The following PREX2 variants were observed in gnomAD, a reference collection of about 807,000 sequenced individuals.
PREX2 encodes the protein phosphatidylinositol 3,4,5-trisphosphate-dependent Rac exchanger 2 protein.
A neutral mutation model predicts 203.2 loss-of-function variants in PREX2; 107 were observed. The observed-to-expected ratio is 0.53, with a 90% CI of 0.45 to 0.62. The LOEUF (loss-of-function observed/expected upper bound fraction) is 0.62. Among genes scored for constraint, PREX2 ranks in the 20% least tolerant of loss-of-function variants. PREX2 has a pLI of 0.00. For synonymous variants in PREX2, 672 were observed against 663.6 expected (o/e 1.01, Z -0.19); for missense variants, 1,777 against 1,955.9 (o/e 0.91, Z 1.72).
intron 37 of PREX2, among the ~76,000 whole-genome samples, chr8:68,215,719 A>G (rs1403843554): frequency 6.6e-6 from 1 of 151,686 alleles, no homozygotes; most frequent in Non-Finnish European, 1.5e-5. Context: ...TTTTATTTTT[A>G]GTAGAGACGA....
intron 8 of PREX2, among the ~76,000 whole-genome samples, chr8:68,050,083 ATTAC>A (rs1258860007): frequency 6.7e-6 from 1 of 150,124 alleles, no homozygotes; most frequent in Non-Finnish European, 1.5e-5. Flanking sequence ...TATGTTTATA[ATTAC>A]TTATTATTTT....
At chr8:68,194,514 G>A (rs551477568) in intron 37 of PREX2, among the ~76,000 whole-genome samples, 18 of 152,042 alleles carry the variant, frequency 1.2e-4, no homozygotes, top group Non-Finnish European at 1.5e-4. Context: ...GTGGCCGGGC[G>A]CAGTGGCTCA....
At chr8:68,031,992 T>G (rs1274973819) in intron 6 of PREX2, among the ~76,000 whole-genome samples, 1 of 152,224 alleles carries the variant, frequency 6.6e-6, no homozygotes, top group Admixed American at 6.5e-5. Flanking sequence ...TGTTTCATCC[T>G]GGTGTATATC....
chr8:67,981,801 C>T (rs1057301436), intron 1 of PREX2, among the ~76,000 whole-genome samples: 1 of 152,186 alleles, frequency 6.6e-6, no homozygotes, highest in Non-Finnish European at 1.5e-5. Context: ...AGCCAGTGAG[C>T]CCTGGGCATG....
intron 7 of PREX2, among the ~76,000 whole-genome samples, chr8:68,042,248 A>C (rs1274624183): frequency 6.6e-6 from 1 of 152,090 alleles, no homozygotes; most frequent in African/African-American, 2.4e-5. Flanking sequence ...ACATTCTTTA[A>C]ATAACAGAGT....
intron 24 of PREX2, chr8:68,109,013 A>G (rs563443633): frequency 1.8e-5 from 8 of 452,504 alleles, no homozygotes; most frequent in Admixed American, 1.7e-4. Context: ...TCATAGAAGT[A>G]GAGAGTAGAA....
At chr8:68,035,808 T>C (rs1028477802) in intron 6 of PREX2, among the ~76,000 whole-genome samples, 4 of 152,158 alleles carry the variant, frequency 2.6e-5, no homozygotes, top group Admixed American at 2.0e-4. Flanking sequence ...TGAAGCCTGC[T>C]TTAAGTGTTA....
intron 21 of PREX2, among the ~76,000 whole-genome samples, 170 bp from the exon 22 acceptor site, chr8:68,096,847 C>T (rs961787139): frequency 3.3e-5 from 5 of 152,066 alleles, no homozygotes; most frequent in African/African-American, 9.7e-5. Context: ...ATGCTTTTCT[C>T]GAAATGTTAT....
At chr8:68,016,099 T>C (rs1194260935) in intron 1 of PREX2, among the ~76,000 whole-genome samples, 4 of 152,190 alleles carry the variant, frequency 2.6e-5, no homozygotes, top group Admixed American at 2.0e-4. Context: ...TTTTAAATAG[T>C]CTTGTTCCTC....
intron 37 of PREX2, among the ~76,000 whole-genome samples, chr8:68,211,251 A>T (rs1812737348): frequency 6.6e-6 from 1 of 152,208 alleles, no homozygotes; most frequent in Non-Finnish European, 1.5e-5. Context: ...ACTTTAACTG[A>T]ACTCAGTTTA....
At chr8:67,987,577 G>A (rs1485550898) in intron 1 of PREX2, among the ~76,000 whole-genome samples, 1 of 152,084 alleles carries the variant, frequency 6.6e-6, no homozygotes, top group East Asian at 1.9e-4. Flanking sequence ...CTCCTACCTT[G>A]TTCCCCCATG....
At chr8:67,969,505 G>A (rs1805865045) in intron 1 of PREX2, among the ~76,000 whole-genome samples, 1 of 152,078 alleles carries the variant, frequency 6.6e-6, no homozygotes, top group Non-Finnish European at 1.5e-5. Context: ...TAAGGATTAG[G>A]ACCAAAATTA....
Position 68,127,358 on chromosome 8 carries a change from T to A in PREX2, c.3725-20T>A. 1 of 1,575,720 alleles carries A rather than the reference T, an allele frequency of 6.3e-7. No homozygotes were observed. Among genetic ancestry groups the A allele is most frequent in the Non-Finnish European group, 8.7e-7 (1 of 1,149,258 alleles). On this transcript the variant is annotated intron_variant, in intron 30 of 39. Coordinates refer to ENST00000288368, the MANE Select transcript of PREX2 (RefSeq NM_024870.4). ...ACAGAAAGAGTGAACAATTAACTGA[T>A]GTGTTTTCTTTCTCTGCAGAGGTAA...
At chr8:67,954,714 A>G (rs946041084) in intron 1 of PREX2, among the ~76,000 whole-genome samples, 15 of 152,338 alleles carry the variant, frequency 9.8e-5, no homozygotes, top group African/African-American at 3.4e-4. Context: ...GTCATTAATC[A>G]TTTCTATTAT....
At chr8:68,046,039 A>G (rs1808342005) in intron 8 of PREX2, among the ~76,000 whole-genome samples, 1 of 152,052 alleles carries the variant, frequency 6.6e-6, no homozygotes, top group South Asian at 2.1e-4. Context: ...AAAGAAGAAC[A>G]CTAAAAACTT....
At chr8:68,114,907 A>G (rs1810610962) in intron 25 of PREX2, among the ~76,000 whole-genome samples, 1 of 152,110 alleles carries the variant, frequency 6.6e-6, no homozygotes, top group South Asian at 2.1e-4. Flanking sequence ...TTAATACTGA[A>G]TATGAGCCAG....
intron 1 of PREX2, among the ~76,000 whole-genome samples, chr8:67,976,708 GGAGAGAGACAGA>G (rs1301627766): frequency 1.5e-5 from 1 of 66,944 alleles, no homozygotes; most frequent in African/African-American, 4.7e-5. Flanking sequence ...GAGAGAGACG[GGAGAGAGACAGA>G]GAGAGAGACA....
intron 30 of PREX2, among the ~76,000 whole-genome samples, chr8:68,124,315 A>G (rs140918937): frequency 6.6e-6 from 1 of 152,276 alleles, no homozygotes; most frequent in African/African-American, 2.4e-5. Flanking sequence ...GCCATAAAAA[A>G]GAATGAGCTA....
chr8:68,217,183 A>G (rs894152552), intron 37 of PREX2, among the ~76,000 whole-genome samples: 1 of 152,208 alleles, frequency 6.6e-6, no homozygotes, highest in Non-Finnish European at 1.5e-5. Flanking sequence ...CTCAGTAAAT[A>G]GTAATTTCAC....
Sources: allele counts gnomAD v4.1 joint callset (sites outside exome capture counted in the v4.1 genomes callset), GRCh38; gene constraint gnomAD v4.1.1; transcripts MANE v1.5; gene names NCBI Gene and HGNC (gene_info 2026-07-23, HGNC 2026-07-21).